MST1R: variants seen among roughly 807,000 people sequenced by gnomAD.
The protein encoded by MST1R is macrophage stimulating 1 receptor, also known as macrophage-stimulating protein receptor.
A neutral mutation model predicts 117.8 loss-of-function variants in MST1R; 99 were observed. The observed-to-expected ratio is 0.84, with a 90% CI of 0.71 to 0.99. The LOEUF (loss-of-function observed/expected upper bound fraction) is 0.99. MST1R is among the 50% of genes least tolerant of loss of function. MST1R has a pLI of 0.00. For synonymous variants in MST1R, 734 were observed against 765.3 expected (o/e 0.96, Z 0.68); for missense variants, 1,683 against 1,840.2 (o/e 0.91, Z 1.56).
rs373011434 is a variant in MST1R at position 49,896,824 on chromosome 3, G to T, written c.2250C>A (p.Ser750Arg). ...PGATVASVPL[S>R]LQVGGAQVPG... is the part of the protein sequence containing the mutation. ...GTACCTGGGCACCCCCCACCTGCAGGCTAAGGGGGACACTGGCCACCGTGG... is the reference window on the plus strand; with the variant it reads ...GTACCTGGGCACCCCCCACCTGCAGTCTAAGGGGGACACTGGCCACCGTGG... Residue 750 changes from serine (S) to arginine (R), a missense_variant, in exon 8 of 20, where the codon AGC becomes AGA. Physicochemically the swap from Ser to Arg is moderately radical, Grantham distance 110 (BLOSUM62 -1). Coordinates refer to ENST00000296474, the MANE Select transcript of MST1R (RefSeq NM_002447.4). 1 of 1,557,634 alleles carries T rather than the reference G, an allele frequency of 6.4e-7. No homozygotes were observed. The highest frequency in any genetic ancestry group is 1.4e-5 in the African/African-American group (1 of 73,446).
Position 49,896,377 on chromosome 3 carries a change from G to A in MST1R, c.2467C>T (p.Leu823=), listed in dbSNP as rs2108445321. 6.2e-7 allele frequency: 1 copy of A among 1,613,746 alleles called. No individual in the cohort carries two copies. The highest frequency in any genetic ancestry group is 8.5e-7 in the Non-Finnish European group (1 of 1,179,926). ...ACCACATATTCAGGAAGGCGGCACA[G>A]CTGCTGCTCTGGAAGCTGCCTCTCA... is the stretch of plus-strand genomic sequence containing the variant. ...RCERQLPEQQ[L]CRLPEYVVRD... Residue 823 remains leucine (L), a synonymous_variant, in exon 10 of 20, where the codon CTG becomes TTG. Coordinates refer to ENST00000296474, the MANE Select transcript of MST1R (RefSeq NM_002447.4).
In MST1R at chr3:49,903,307, G is replaced by A. The variant is rs1476827274; in HGVS notation, c.303C>T (p.Cys101=). 6.2e-7 allele frequency: 1 copy of A among 1,612,512 alleles called. No individual in the cohort carries two copies. The highest frequency in any genetic ancestry group is 1.3e-5 in the African/African-American group (1 of 74,942). Residue 101 remains cysteine, a synonymous_variant, in exon 1 of 20, where the codon TGC becomes TGT. Coordinates refer to ENST00000296474, the MANE Select transcript of MST1R (RefSeq NM_002447.4). ...CTGGGCCACAGGCTGCACACGTCTG[G>A]CAGCCAGGGTCTCCAGCAGGGCCCG... The part of the protein sequence containing the change: ...LATGPAGDPG[C]QTCAACGPGP...
At chr3:49,898,796 C>T (rs2082568956) in intron 3 of MST1R, 71 bp downstream of exon 3, 1 of 1,607,870 alleles carries the variant, frequency 6.2e-7, no homozygotes, top group Non-Finnish European at 8.5e-7. Context: ...TATGTCAATG[C>T]CTCCCTGGAT....
Position 49,903,615 on chromosome 3 carries a change from C to G in MST1R, c.-6G>C, listed in dbSNP as rs779567081. On this transcript the variant is annotated 5_prime_UTR_variant, in exon 1 of 20. Coordinates refer to ENST00000296474, the MANE Select transcript of MST1R (RefSeq NM_002447.4). ...AGCGGCGGGAGGAGCTCCATCGAGGCGAGCTGGGACCCTAGAGGATCCCTA... is the reference window on the plus strand; with the variant it reads ...AGCGGCGGGAGGAGCTCCATCGAGGGGAGCTGGGACCCTAGAGGATCCCTA... 1 of 1,553,044 alleles carries G rather than the reference C, an allele frequency of 6.4e-7. No individual in the cohort carries two copies. Among genetic ancestry groups the G allele is most frequent in the South Asian group, 1.2e-5 (1 of 81,672 alleles).
intron 15 of MST1R, 87 bp from the exon 16 acceptor site, chr3:49,891,667 A>C: frequency 6.2e-7 from 1 of 1,608,336 alleles, no homozygotes; most frequent in Non-Finnish European, 8.5e-7. Flanking sequence ...TCTCCTGCTC[A>C]GGGTCACTCA....
intron 1 of MST1R, 120 bp downstream of exon 1, chr3:49,902,260 T>C: frequency 7.3e-7 from 1 of 1,377,578 alleles, no homozygotes; most frequent in South Asian, 1.4e-5. Flanking sequence ...TGAGAGAGAA[T>C]GCTTCTTTCC....
intron 14 of MST1R, 101 bp from the exon 15 acceptor site, chr3:49,891,939 C>T (rs1211665357): frequency 1.2e-6 from 1 of 805,402 alleles, no homozygotes; most frequent in Non-Finnish European, 2.1e-6. Context: ...ACTAAACTGG[C>T]CAATCTGACA....
Position 49,898,101 on chromosome 3 carries a change from A to G in MST1R, c.1830T>C (p.Thr610=). Residue 610 remains threonine, a synonymous_variant, in exon 5 of 20, where the codon ACT becomes ACC. Coordinates refer to ENST00000296474, the MANE Select transcript of MST1R (RefSeq NM_002447.4). The part of the protein sequence containing the change: ...GLVPEGTHQV[T]VGQSPCRPLP... ...GTGGCCGGCAGGGACTTTGGCCCAC[A>G]GTGACCTGATGGGTTCCCTCAGGCA... The G allele has an allele frequency of 6.2e-7, 1 of 1,614,082 alleles. No homozygotes were observed. The highest frequency in any genetic ancestry group is 8.5e-7 in the Non-Finnish European group (1 of 1,180,030).
In MST1R at chr3:49,890,637, A is replaced by T. The variant is rs1413143317; in HGVS notation, c.3658T>A (p.Phe1220Ile). The change falls in exon 18 of 20, where the codon TTC (phenylalanine) becomes ATC (isoleucine). Residue 1220 changes from phenylalanine (F) to isoleucine (I), a missense_variant. By Grantham distance (21) the Phe-to-Ile change is conservative. Coordinates refer to ENST00000296474, the MANE Select transcript of MST1R (RefSeq NM_002447.4). ...AARNCMLDESFTVKVADFGLA... is the reference protein window; with the variant it reads ...AARNCMLDESITVKVADFGLA... The stretch of plus-strand genomic sequence containing the variant: ...CCAAAGTCAGCCACCTTGACTGTGA[A>T]TGACTCGTCCAGCCTTAGGGGTAGG... The T allele has an allele frequency of 6.2e-7, 1 of 1,612,322 alleles. No homozygotes were observed. Among genetic ancestry groups the T allele is most frequent in the Non-Finnish European group, 8.5e-7 (1 of 1,178,786 alleles).
Position 49,903,051 on chromosome 3 carries a change from T to G in MST1R, c.559A>C (p.Thr187Pro). 1 of 1,611,106 alleles carries G rather than the reference T, an allele frequency of 6.2e-7. No homozygotes were observed. The highest frequency in any genetic ancestry group is 1.7e-5 in the Admixed American group (1 of 60,032). The change falls in exon 1 of 20, where the codon ACT (threonine) becomes CCT (proline). Residue 187 changes from threonine to proline, a missense_variant. Thr to Pro is a conservative substitution (Grantham distance 38). Coordinates refer to ENST00000296474, the MANE Select transcript of MST1R (RefSeq NM_002447.4). Reference protein sequence around the residue: ...CVASPLGTRVTVVEQGQASYF... With the variant: ...CVASPLGTRVPVVEQGQASYF... The stretch of plus-strand genomic sequence containing the variant: ...GAGGCCTGGCCTTGCTCAACCACAG[T>G]TACACGGGTGCCCAATGGGCTGGCC...
chr3:49,888,472 C>T lies in MST1R; in HGVS notation c.3948-910G>A, dbSNP rs1484298017. Among the ~76,000 whole-genome samples the T allele has an allele frequency of 2.7e-5, 4 of 149,158 alleles. No homozygotes were observed. In the East Asian group the frequency reaches 7.8e-4, roughly 29 times the overall value. On this transcript the variant is annotated intron_variant, in intron 19 of 19. Transcript: ENST00000296474. Reference sequence around the variant, plus strand: ...AAAAAAATTACTGGGCGTGGTGGCACACGCCTGTAGTCCCAGTTACTCAGG... The same window carrying T: ...AAAAAAATTACTGGGCGTGGTGGCATACGCCTGTAGTCCCAGTTACTCAGG...
Position 49,887,323 on chromosome 3 carries a change from G to T in MST1R, c.4187C>A (p.Pro1396His). ...NVRRPRPLSEPPRPT is the reference protein window; with the variant it reads ...NVRRPRPLSEHPRPT The stretch of plus-strand genomic sequence containing the variant: ...AGAACTAAGTCAAGTGGGCCGAGGA[G>T]GCTCTGAGAGTGGCCGGGGCCGGCG... The change falls in exon 20 of 20, where the codon CCT becomes CAT. Residue 1396 changes from proline to histidine, a missense_variant. By Grantham distance (77) the Pro-to-His change is moderately conservative. Transcript: ENST00000296474. The T allele has an allele frequency of 1.9e-6, 3 of 1,614,218 alleles. No individual in the cohort carries two copies. Among genetic ancestry groups the T allele is most frequent in the Non-Finnish European group, 2.5e-6 (3 of 1,180,054 alleles).
In MST1R at chr3:49,902,860, C is replaced by CA. The variant is rs2082731997; in HGVS notation, c.749dup (p.His251AlafsTer22). The CA allele has an allele frequency of 6.2e-7, 1 of 1,613,622 alleles. No individual in the cohort carries two copies. On this transcript the variant is annotated frameshift_variant, in exon 1 of 20. Transcript: ENST00000296474. LOFTEE classifies it high-confidence loss of function. ...CGAAGGCTCCCGTGTGGAAGCTGTG[C>CA]ACGTATTCAATACTGTAGGAGACAA... is the stretch of plus-strand genomic sequence containing the variant.
chr3:49,891,084 G>A (rs576442292), intron 17 of MST1R, 113 bp downstream of exon 17: 2 of 961,762 alleles, frequency 2.1e-6, no homozygotes, highest in Non-Finnish European at 3.2e-6. Context: ...AAAAAGTAAG[G>A]TGCAGAGAGG....
At position 49,887,344 on chromosome 3, in the gene MST1R, C is replaced by T. The variant is rs202219889; in HGVS notation, c.4166G>A (p.Arg1389Gln). The T allele has an allele frequency of 3.6e-4, 585 of 1,614,222 alleles. No homozygotes were observed. The highest frequency in any genetic ancestry group is 4.5e-4 in the Non-Finnish European group (528 of 1,180,044). Residue 1389 changes from arginine (R) to glutamine (Q), a missense_variant, in exon 20 of 20, where the codon CGG becomes CAG. Physicochemically the swap from Arg to Gln is conservative, Grantham distance 43. Transcript: ENST00000296474. ...QFSPMPGNVR[R>Q]PRPLSEPPRP... Reference sequence around the variant, plus strand: ...AGGAGGCTCTGAGAGTGGCCGGGGCCGGCGTACATTCCCTGGCATGGGTGA... The same window carrying T: ...AGGAGGCTCTGAGAGTGGCCGGGGCTGGCGTACATTCCCTGGCATGGGTGA...
At position 49,897,343 on chromosome 3, in the gene MST1R, T is replaced by C. The variant is rs765694787; in HGVS notation, c.2120A>G (p.Gln707Arg). The part of the protein sequence containing the change: ...AGGTCLTLEG[Q>R]SLSVGTSRAV... ...CCGGCTGGTGCCTACAGACAGACTC[T>C]GGCCTTCAAGAGTGAGACAGGTGCC... The change falls in exon 7 of 20, where the codon CAG becomes CGG. Residue 707 changes from glutamine to arginine, a missense_variant. Transcript: ENST00000296474. 2 of 1,613,944 alleles carry C rather than the reference T, an allele frequency of 1.2e-6. No individual in the cohort carries two copies. Among genetic ancestry groups the C allele is most frequent in the Middle Eastern group, 1.6e-4 (1 of 6,062 alleles).
Position 49,897,436 on chromosome 3 carries a change from G to A in MST1R, c.2047-20C>T. On this transcript the variant is annotated intron_variant, in intron 6 of 19. Transcript: ENST00000296474. ...TGGCTCCTAAGAGGACATAGAGGTG[G>A]CTTAGGCAGGTCCTCCACTCCAAGC... is the stretch of plus-strand genomic sequence containing the variant. 6.2e-7 allele frequency: 1 copy of A among 1,611,704 alleles called. No individual in the cohort carries two copies. The highest frequency in any genetic ancestry group is 8.5e-7 in the Non-Finnish European group (1 of 1,178,638).
At chr3:49,895,127 G>A (rs779956358) in intron 14 of MST1R, 40 bp downstream of exon 14, 1 of 1,609,328 alleles carries the variant, frequency 6.2e-7, no homozygotes, top group Admixed American at 1.7e-5. Context: ...ATGTCATCTT[G>A]AGACTCCATC....
At position 49,896,202 on chromosome 3, in the gene MST1R, T is replaced by A. The variant is rs781000755; in HGVS notation, c.2642A>T (p.Lys881Met). 2 of 1,614,096 alleles carry A rather than the reference T, an allele frequency of 1.2e-6. No individual in the cohort carries two copies. The highest frequency in any genetic ancestry group is 1.7e-6 in the Non-Finnish European group (2 of 1,180,016). Residue 881 changes from lysine to methionine, a missense_variant, in exon 10 of 20, where the codon AAG becomes ATG. Transcript: ENST00000296474. Reference protein sequence around the residue: ...VPLKPEEHAIKFEYIGLGAVA... With the variant: ...VPLKPEEHAIMFEYIGLGAVA... ...CCTATCCCTTACACTTACCTCAAACTTAATGGCATGCTCCTCAGGCTTCAG... is the reference window on the plus strand; with the variant it reads ...CCTATCCCTTACACTTACCTCAAACATAATGGCATGCTCCTCAGGCTTCAG...
Sources: allele counts gnomAD v4.1 joint callset (sites outside exome capture counted in the v4.1 genomes callset), GRCh38; gene constraint gnomAD v4.1.1; transcripts MANE v1.5; gene names NCBI Gene and HGNC (gene_info 2026-07-23, HGNC 2026-07-21).